Variants in NCOR2 observed in about 807,000 individuals in gnomAD.
NCOR2 encodes CTG repeat protein 26.
In NCOR2, 81 loss-of-function variants were observed where a neutral mutation model predicts 262.9. The ratio of observed to expected loss-of-function variants is 0.31; its 90% confidence interval spans 0.26 to 0.37. The LOEUF (loss-of-function observed/expected upper bound fraction) is 0.37. NCOR2 is among the 10% of genes least tolerant of loss of function. The pLI, the probability that NCOR2 is intolerant of heterozygous loss-of-function variation, is 1.00. For synonymous variants in NCOR2, 1,659 were observed against 1,559.3 expected, an observed-to-expected ratio of 1.06 and a Z score of -1.51; for missense variants, 3,385 against 3,621.4, an observed-to-expected ratio of 0.93 and a Z score of 1.68.
At chr12:124,360,036 C>A (rs927744776) in intron 22 of NCOR2, among the ~76,000 whole-genome samples, 6 of 152,336 alleles carry the variant, frequency 3.9e-5, no homozygotes, top group South Asian at 2.1e-4. Flanking sequence ...GTGCCAGCCG[C>A]GGGAACTGCT....
intron 20 of NCOR2, among the ~76,000 whole-genome samples, chr12:124,369,014 G>A (rs1006810417): frequency 6.6e-6 from 1 of 152,248 alleles, no homozygotes; most frequent in Non-Finnish European, 1.5e-5. Flanking sequence ...TCTAGGGGGT[G>A]TCCCAAAGCA....
chr12:124,363,721 G>C, exon 21 of NCOR2: 1 of 1,413,898 alleles, frequency 7.1e-7, no homozygotes, highest in Non-Finnish European at 9.3e-7. Context: ...GCTGCTTCAG[G>C]TCCAGTGGCT....
At chr12:124,358,226 G>A (rs1224961570) in intron 22 of NCOR2, among the ~76,000 whole-genome samples, 1 of 149,740 alleles carries the variant, frequency 6.7e-6, no homozygotes, top group East Asian at 1.9e-4. Flanking sequence ...GTGTGTGTGA[G>A]TGCATGGATG....
At chr12:124,558,156 C>CA (rs980788383) in intron 1 of NCOR2, among the ~76,000 whole-genome samples, 17 of 152,158 alleles carry the variant, frequency 1.1e-4, no homozygotes, top group Non-Finnish European at 7.4e-5. Flanking sequence ...TGAGGACAAA[C>CA]AGAGTCCTTC....
At chr12:124,325,990 C>T in intron 46 of NCOR2, 1 of 549,914 alleles carries the variant, frequency 1.8e-6, no homozygotes, top group East Asian at 3.5e-5. Flanking sequence ...CCCTTTTCCT[C>T]TGCCTGTGCC....
rs1593233392 is a variant in NCOR2, at chr12:124,365,918, T to C, written c.2808-2119A>G. Among the ~76,000 whole-genome samples, 5 of 152,258 alleles carry C rather than the reference T, an allele frequency of 3.3e-5. No homozygotes were observed. In the South Asian group the frequency reaches 1.0e-3, roughly 32 times the overall value. On this transcript the variant is annotated intron_variant, in intron 20 of 46. Transcript: ENST00000405201. ...ATCACCTGTCCCAACATTCTCCACC[T>C]GCGGCTTCAACTGCCGCCACCCCTA...
chr12:124,388,391 C>T (rs547171177), intron 16 of NCOR2, among the ~76,000 whole-genome samples: 3 of 152,142 alleles, frequency 2.0e-5, no homozygotes, highest in African/African-American at 4.8e-5. Flanking sequence ...GAGACCACCC[C>T]GCCAGACCCA....
chr12:124,388,344 G>A (rs973890473), intron 16 of NCOR2, among the ~76,000 whole-genome samples: 2 of 152,106 alleles, frequency 1.3e-5, no homozygotes, highest in African/African-American at 4.8e-5. Flanking sequence ...AGGCTGCCAG[G>A]CACGGAGAGA....
intron 7 of NCOR2, among the ~76,000 whole-genome samples, chr12:124,447,670 T>A (rs1041792543): frequency 1.3e-5 from 2 of 151,372 alleles, no homozygotes; most frequent in African/African-American, 4.9e-5. Flanking sequence ...TTAGATTCGC[T>A]GGTATTTTCT....
intron 1 of NCOR2, among the ~76,000 whole-genome samples, chr12:124,491,963 C>G (rs146169787): frequency 2.6e-5 from 4 of 152,194 alleles, no homozygotes; most frequent in Admixed American, 2.6e-4. Flanking sequence ...TGGAGCATGG[C>G]TGAGGCTGAG....
chr12:124,407,584 A>C (rs915682293), intron 13 of NCOR2, among the ~76,000 whole-genome samples: 14 of 152,210 alleles, frequency 9.2e-5, no homozygotes, highest in Non-Finnish European at 8.8e-5. Context: ...ATCCAATAGC[A>C]GGTCGCAGGA....
chr12:124,512,154 C>G (rs1445709807), intron 1 of NCOR2, among the ~76,000 whole-genome samples: 1 of 152,160 alleles, frequency 6.6e-6, no homozygotes, highest in South Asian at 2.1e-4. Flanking sequence ...TCAAGTGATG[C>G]GCCCACCTCG....
chr12:124,562,226 C>T (rs1566062735), intron 1 of NCOR2: 2 of 152,112 alleles, frequency 1.3e-5, no homozygotes, highest in Non-Finnish European at 2.9e-5. Context: ...TGGCAGGGAC[C>T]CACTTTTCAA....
At position 124,348,656 on chromosome 12, in the gene NCOR2, G is replaced by A. The variant is rs981145215; in HGVS notation, c.3845-342C>T. 2.4e-4 allele frequency: 86 copies of A among 361,842 alleles called. No individual in the cohort carries two copies. In the East Asian group the frequency reaches 4.1e-3, roughly 17 times the overall value. 22.4% of individuals were successfully genotyped at this position (361,842 alleles called of 1,614,324 possible). On this transcript the variant is annotated intron_variant, in intron 28 of 46. Coordinates refer to ENST00000405201, the Ensembl canonical transcript of NCOR2. Reference sequence around the variant, plus strand: ...GTCTGTGTCCACACCCACGGGTGCCGACATGGGGCGTGAACAAGTGCACAC... The same window carrying A: ...GTCTGTGTCCACACCCACGGGTGCCAACATGGGGCGTGAACAAGTGCACAC...
intron 1 of NCOR2, among the ~76,000 whole-genome samples, chr12:124,567,084 G>A (rs1482412847): frequency 1.3e-5 from 2 of 151,038 alleles, no homozygotes; most frequent in African/African-American, 2.4e-5. Context: ...CCCCTCGCTA[G>A]GGAGCTGGAG....
Position 124,483,213 on chromosome 12 carries a change from C to A in NCOR2, c.411+383G>T, listed in dbSNP as rs944839621. On this transcript the variant is annotated intron_variant, in intron 3 of 46. Coordinates refer to ENST00000405201, the Ensembl canonical transcript of NCOR2. The surrounding 1 kb of genome is among the most constrained non-coding windows in gnomAD (Gnocchi z 6.3). Reference sequence around the variant, plus strand: ...CTCTCAGAATGTGCTGAAAGCTGCCCACCGACCACAGGACGGTCCTGACCC... The same window carrying A: ...CTCTCAGAATGTGCTGAAAGCTGCCAACCGACCACAGGACGGTCCTGACCC... Among the ~76,000 whole-genome samples, 1 of 152,118 alleles carries A rather than the reference C, an allele frequency of 6.6e-6. No homozygotes were observed. The highest frequency in any genetic ancestry group is 2.4e-5 in the African/African-American group (1 of 41,402).
chr12:124,354,541 C>G, exon 26 of NCOR2: 1 of 1,598,256 alleles, frequency 6.3e-7, no homozygotes, highest in Admixed American at 1.7e-5. Context: ...CCAGCCTGGC[C>G]CCGTGGGGAC....
At chr12:124,366,607 C>A (rs542954565) in intron 20 of NCOR2, among the ~76,000 whole-genome samples, 3 of 152,220 alleles carry the variant, frequency 2.0e-5, no homozygotes, top group African/African-American at 7.2e-5. Flanking sequence ...CCTGGGCTCA[C>A]GCAATCCTCC....
chr12:124,490,399 G>A (rs1402606668), intron 1 of NCOR2, among the ~76,000 whole-genome samples: 1 of 144,458 alleles, frequency 6.9e-6, no homozygotes, highest in Non-Finnish European at 1.5e-5. Flanking sequence ...CGCCTGATAA[G>A]TATTTGCCAG....
Sources: allele counts gnomAD v4.1 joint callset (sites outside exome capture counted in the v4.1 genomes callset), GRCh38; gene constraint gnomAD v4.1.1; non-coding constraint Gnocchi (gnomAD v3.1); transcripts MANE v1.5; gene names NCBI Gene and HGNC (gene_info 2026-07-23, HGNC 2026-07-21).